SPATA31C2: variants seen among roughly 807,000 people sequenced by gnomAD.
The protein encoded by SPATA31C2 is SPATA31 subfamily C member 2, also known as spermatogenesis-associated protein 31C2.
In SPATA31C2, 5 loss-of-function variants were observed where a neutral mutation model predicts 11.4. That is an observed-to-expected ratio of 0.44 (90% CI 0.23 to 0.92). SPATA31C2 has a LOEUF of 0.92. Ranked by LOEUF, SPATA31C2 falls within the 40% of genes least tolerant of loss-of-function variation. SPATA31C2 has a pLI of 0.24. For missense variants in SPATA31C2, 1,353 were observed against 1,368.6 expected, an observed-to-expected ratio of 0.99 and a Z score of 0.18; for synonymous variants, 515 against 538.7, an observed-to-expected ratio of 0.96 and a Z score of 0.61.
chr9:88,137,334 A>T (rs552987343), intron 1 of SPATA31C2, among the ~76,000 whole-genome samples: 3 of 148,020 alleles, frequency 2.0e-5, no homozygotes, highest in African/African-American at 7.4e-5. Flanking sequence ...ATTAAAAAAA[A>T]AAAGGATCAG....
At chr9:88,135,735 C>T (rs1230742684) in intron 1 of SPATA31C2, among the ~76,000 whole-genome samples, 314 of 129,116 alleles carry the variant, frequency 2.4e-3, no homozygotes, top group Non-Finnish European at 3.0e-3. Context: ...GCCAGGATGG[C>T]CTCGATCTCC....
chr9:88,131,654 T>G lies in SPATA31C2; in HGVS notation c.1383A>C (p.Gly461=). The G allele has an allele frequency of 6.2e-7, 1 of 1,612,028 alleles. No individual in the cohort carries two copies. The highest frequency in any genetic ancestry group is 8.5e-7 in the Non-Finnish European group (1 of 1,179,852). Residue 461 remains glycine, a synonymous_variant, in exon 4 of 4, where the codon GGA becomes GGC. Transcript: ENST00000324915. ...RQLEQHMGQR[G]RIQESLDLMQ... is the part of the protein sequence containing the mutation. ...TCAGATCCAGAGACTCTTGGATCCTTCCACGTTGCCCCATGTGTTGCTCCA... is the reference window on the plus strand; with the variant it reads ...TCAGATCCAGAGACTCTTGGATCCTGCCACGTTGCCCCATGTGTTGCTCCA...
rs1206295556 is a variant in SPATA31C2, at chr9:88,129,960, C to T, written c.3077G>A (p.Arg1026Lys). Residue 1026 changes from arginine (R) to lysine (K), a missense_variant, in exon 4 of 4, where the codon AGG (arginine) becomes AAG (lysine). Physicochemically the swap from Arg to Lys is conservative, Grantham distance 26 (BLOSUM62 2). This residue lies in a region of SPATA31C2 where 187 missense variants were observed against 205.8 expected (regional missense o/e 0.91). Coordinates refer to ENST00000324915, the MANE Select transcript of SPATA31C2 (RefSeq NM_001350978.3). Reference sequence around the variant, plus strand: ...CTCAGCAGTGACTGGTGCTGGCTTCCTTTCTTTCTTTGAAAAAATCGTCTG... The same window carrying T: ...CTCAGCAGTGACTGGTGCTGGCTTCTTTTCTTTCTTTGAAAAAATCGTCTG... ...FFQTIFSKKE[R>K]KPAPVTAESQ... 2 of 1,607,884 alleles carry T rather than the reference C, an allele frequency of 1.2e-6. No homozygotes were observed. The highest frequency in any genetic ancestry group is 1.7e-6 in the Non-Finnish European group (2 of 1,176,016).
In SPATA31C2 at chr9:88,132,207, C is replaced by T; in HGVS notation, c.830G>A (p.Gly277Asp). 6.2e-7 allele frequency: 1 copy of T among 1,610,646 alleles called. No individual in the cohort carries two copies. Among genetic ancestry groups the T allele is most frequent in the Non-Finnish European group, 8.5e-7 (1 of 1,177,632 alleles). ...AASVPGISGL[G>D]GSNSQVSALS... ...GGCAGAAACTTGACTGTTTGAGCCG[C>T]CAAGGCCTGAGATGCCTGGGACAGA... The change falls in exon 4 of 4, where the codon GGC becomes GAC. Residue 277 changes from glycine to aspartate, a missense_variant. Physicochemically the swap from Gly to Asp is moderately conservative, Grantham distance 94. Transcript: ENST00000324915.
chr9:88,129,885 T>A lies in SPATA31C2; in HGVS notation c.3152A>T (p.Glu1051Val), dbSNP rs753128722. 2 of 1,605,698 alleles carry A rather than the reference T, an allele frequency of 1.2e-6. No homozygotes were observed. Among genetic ancestry groups the A allele is most frequent in the South Asian group, 2.2e-5 (2 of 90,986 alleles). Residue 1051 changes from glutamate (E) to valine (V), a missense_variant, in exon 4 of 4, where the codon GAA becomes GTA. Glu to Val is a moderately radical substitution (Grantham distance 121). Coordinates refer to ENST00000324915, the MANE Select transcript of SPATA31C2 (RefSeq NM_001350978.3). ...NRSCVYGSSAEAERLMTAVGQ... is the reference protein window; with the variant it reads ...NRSCVYGSSAVAERLMTAVGQ... ...AACTGCTGTCATGAGCCTCTCAGCT[T>A]CAGCACTGCTGCCGTACACGCATGA...
In SPATA31C2 at chr9:88,129,862, C is replaced by G; in HGVS notation, c.3175G>C (p.Val1059Leu). ...SAEAERLMTA[V>L]GQILEENMSL... ...ATGTTCTCCTCCAGTATCTGTCCAA[C>G]TGCTGTCATGAGCCTCTCAGCTTCA... Residue 1059 changes from valine to leucine, a missense_variant, in exon 4 of 4, where the codon GTT (valine) becomes CTT (leucine). Around this residue, in one of 6 missense-constraint regions of SPATA31C2, gnomAD observed 187 missense variants for 205.8 expected, o/e 0.91. Coordinates refer to ENST00000324915, the MANE Select transcript of SPATA31C2 (RefSeq NM_001350978.3). 6.2e-7 allele frequency: 1 copy of G among 1,605,248 alleles called. No homozygotes were observed. Among genetic ancestry groups the G allele is most frequent in the Non-Finnish European group, 8.5e-7 (1 of 1,174,270 alleles).
Position 88,132,414 on chromosome 9 carries a change from G to A in SPATA31C2, c.623C>T (p.Ala208Val), listed in dbSNP as rs1159815981. 1.2e-6 allele frequency: 2 copies of A among 1,611,136 alleles called. No individual in the cohort carries two copies. Among genetic ancestry groups the A allele is most frequent in the African/African-American group, 1.3e-5 (1 of 74,832 alleles). Reference sequence around the variant, plus strand: ...AGTGCGTGGTGGGTGAGGGAAAAGTGCAGGTGGCTCGGGTGAGGGATGTTC... The same window carrying A: ...AGTGCGTGGTGGGTGAGGGAAAAGTACAGGTGGCTCGGGTGAGGGATGTTC... ...LLEHPSPEPP[A>V]LFPHPPRTPD... Residue 208 changes from alanine (A) to valine (V), a missense_variant, in exon 4 of 4, where the codon GCA becomes GTA. Coordinates refer to ENST00000324915, the MANE Select transcript of SPATA31C2 (RefSeq NM_001350978.3).
At position 88,130,840 on chromosome 9, in the gene SPATA31C2, C is replaced by A. The variant is rs932768291; in HGVS notation, c.2197G>T (p.Ala733Ser). 7 of 1,613,244 alleles carry A rather than the reference C, an allele frequency of 4.3e-6. No individual in the cohort carries two copies. In the African/African-American group the frequency reaches 9.3e-5, roughly 22 times the overall value. Residue 733 changes from alanine (A) to serine (S), a missense_variant, in exon 4 of 4, where the codon GCC becomes TCC. By Grantham distance (99) the Ala-to-Ser change is moderately conservative (BLOSUM62 1). Around this residue, in one of 6 missense-constraint regions of SPATA31C2, gnomAD observed 1,075 missense variants for 992.8 expected, o/e 1.08. Transcript: ENST00000324915. ...AACTGCTTACATGCAGGTGAGGAGGCCTGAAGCCTCTCTGGCATGTGAACA... is the reference window on the plus strand; with the variant it reads ...AACTGCTTACATGCAGGTGAGGAGGACTGAAGCCTCTCTGGCATGTGAACA... Reference protein sequence around the residue: ...PSVHMPERLQASSPACKQFQR... With the variant: ...PSVHMPERLQSSSPACKQFQR...
Position 88,132,764 on chromosome 9 carries a change from C to G in SPATA31C2, c.327-54G>C. The stretch of plus-strand genomic sequence containing the variant: ...GCCAGGAGCAGATGGGTTCGGAGGG[C>G]AGAGTGGGCGCTTGGGCCACAGCCC... On this transcript the variant is annotated intron_variant, in intron 3 of 3. Transcript: ENST00000324915. 4 of 1,557,410 alleles carry G rather than the reference C, an allele frequency of 2.6e-6. No individual in the cohort carries two copies. The South Asian group carries it at 4.7e-5, about 18-fold the overall frequency.
At position 88,129,681 on chromosome 9, in the gene SPATA31C2, A is replaced by G; in HGVS notation, c.3356T>C (p.Leu1119Pro). 1.9e-6 allele frequency: 3 copies of G among 1,603,620 alleles called. No individual in the cohort carries two copies. The highest frequency in any genetic ancestry group is 2.6e-6 in the Non-Finnish European group (3 of 1,173,328). Residue 1119 changes from leucine (L) to proline (P), a missense_variant, in exon 4 of 4, where the codon CTC (leucine) becomes CCC (proline). Transcript: ENST00000324915. ...SYAASSQQAT[L>P]KNQSRPNRDR... ...TCTGTTGGGACGACTCTGGTTCTTG[A>G]GAGTGGCTTGTTGACTGCTGGCTGC...
In SPATA31C2 at chr9:88,130,958, G is replaced by C. The variant is rs774423230; in HGVS notation, c.2079C>G (p.Cys693Trp). ...CAACTTTTGAGCCAGCCCCAGATTC[G>C]CAGGTGTCTGAGGAGGGACCAGCAA... ...IQLAGPSSDT[C>W]ESGAGSKVEV... Residue 693 changes from cysteine to tryptophan, a missense_variant, in exon 4 of 4, where the codon TGC (cysteine) becomes TGG (tryptophan). Physicochemically the swap from Cys to Trp is radical, Grantham distance 215. Around this residue, in one of 6 missense-constraint regions of SPATA31C2, gnomAD observed 1,075 missense variants for 992.8 expected, o/e 1.08. Transcript: ENST00000324915. 6.2e-7 allele frequency: 1 copy of C among 1,613,046 alleles called. No individual in the cohort carries two copies.
intron 1 of SPATA31C2, among the ~76,000 whole-genome samples, chr9:88,134,060 C>G (rs527970983): frequency 0.011 from 1,589 of 150,882 alleles, 13 homozygotes; most frequent in African/African-American, 0.037. Context: ...GACGCTAAGA[C>G]AGGAGAATAG....
In SPATA31C2 at chr9:88,132,638, G is replaced by C. The variant is rs571286171; in HGVS notation, c.399C>G (p.Gly133=). Residue 133 remains glycine, a synonymous_variant, in exon 4 of 4, where the codon GGC becomes GGG. Coordinates refer to ENST00000324915, the MANE Select transcript of SPATA31C2 (RefSeq NM_001350978.3). Reference sequence around the variant, plus strand: ...GGGAGGCTCCATCAGGTGTTCTTTTGCCCACCTCACCTGGCGGGTCTGGAC... The same window carrying C: ...GGGAGGCTCCATCAGGTGTTCTTTTCCCCACCTCACCTGGCGGGTCTGGAC... ...LSGPDPPGEV[G]KRTPDGASRS... The C allele has an allele frequency of 1.5e-5, 24 of 1,609,380 alleles. No homozygotes were observed. The South Asian group carries it at 2.4e-4, about 16-fold the overall frequency.
In SPATA31C2 at chr9:88,131,731, T is replaced by G. The variant is rs1432473794; in HGVS notation, c.1306A>C (p.Thr436Pro). The change falls in exon 4 of 4, where the codon ACA becomes CCA. Residue 436 changes from threonine to proline, a missense_variant. Around this residue, in one of 6 missense-constraint regions of SPATA31C2, gnomAD observed 1,075 missense variants for 992.8 expected, o/e 1.08. Coordinates refer to ENST00000324915, the MANE Select transcript of SPATA31C2 (RefSeq NM_001350978.3). ...STPNLPQERL[T>P]SILPENFPVS... Reference sequence around the variant, plus strand: ...GGAAAGTTCTCAGGCAGAATGGATGTCAGTCTTTCCTGGGGAAGGTTAGGA... The same window carrying G: ...GGAAAGTTCTCAGGCAGAATGGATGGCAGTCTTTCCTGGGGAAGGTTAGGA... 6.2e-7 allele frequency: 1 copy of G among 1,611,850 alleles called. No individual in the cohort carries two copies. The highest frequency in any genetic ancestry group is 2.2e-5 in the East Asian group (1 of 44,878).
At position 88,129,615 on chromosome 9, in the gene SPATA31C2, C is replaced by T. The variant is rs762892309; in HGVS notation, c.*17G>A. ...CAGGCCCCATTGCTCATTGTTGCAC[C>T]GGACACTTTTCAAGGGCTACTGATC... On this transcript the variant is annotated 3_prime_UTR_variant, in exon 4 of 4. Coordinates refer to ENST00000324915, the MANE Select transcript of SPATA31C2 (RefSeq NM_001350978.3). 7.5e-6 allele frequency: 12 copies of T among 1,602,404 alleles called. No homozygotes were observed. Among genetic ancestry groups the T allele is most frequent in the Middle Eastern group, 1.7e-4 (1 of 5,984 alleles).
chr9:88,132,286 G>A lies in SPATA31C2; in HGVS notation c.751C>T (p.Leu251Phe). Reference sequence around the variant, plus strand: ...CTTTGAGGGACGGTGTCCAGTGGAAGTGCCACTGAGTCACAGTGAGATGGT... The same window carrying A: ...CTTTGAGGGACGGTGTCCAGTGGAAATGCCACTGAGTCACAGTGAGATGGT... Reference protein sequence around the residue: ...LTPSHCDSVALPLDTVPQSLS... With the variant: ...LTPSHCDSVAFPLDTVPQSLS... The change falls in exon 4 of 4, where the codon CTT (leucine) becomes TTT (phenylalanine). Residue 251 changes from leucine (L) to phenylalanine (F), a missense_variant. This residue lies in a region of SPATA31C2 where 1,075 missense variants were observed against 992.8 expected (regional missense o/e 1.08). Transcript: ENST00000324915. The A allele has an allele frequency of 6.2e-7, 1 of 1,610,888 alleles. No individual in the cohort carries two copies. The highest frequency in any genetic ancestry group is 8.5e-7 in the Non-Finnish European group (1 of 1,177,744).
chr9:88,133,707 C>T, intron 1 of SPATA31C2, 38 bp from the exon 2 acceptor site: 1 of 1,535,144 alleles, frequency 6.5e-7, no homozygotes, highest in African/African-American at 1.4e-5. Context: ...AGGACCGGCT[C>T]TCCCTCTCTG....
In SPATA31C2 at chr9:88,129,876, C is replaced by G. The variant is rs1402168115; in HGVS notation, c.3161G>C (p.Arg1054Thr). 6.2e-7 allele frequency: 1 copy of G among 1,605,482 alleles called. No homozygotes were observed. The highest frequency in any genetic ancestry group is 8.5e-7 in the Non-Finnish European group (1 of 1,174,444). The change falls in exon 4 of 4, where the codon AGG becomes ACG. Residue 1054 changes from arginine to threonine, a missense_variant. Around this residue, in one of 6 missense-constraint regions of SPATA31C2, gnomAD observed 187 missense variants for 205.8 expected, o/e 0.91. Transcript: ENST00000324915. ...CVYGSSAEAERLMTAVGQILE... is the reference protein window; with the variant it reads ...CVYGSSAEAETLMTAVGQILE... ...TATCTGTCCAACTGCTGTCATGAGC[C>G]TCTCAGCTTCAGCACTGCTGCCGTA...
At chr9:88,133,970 A>G (rs1587689645) in intron 1 of SPATA31C2, among the ~76,000 whole-genome samples, 1 of 152,090 alleles carries the variant, frequency 6.6e-6, no homozygotes, top group African/African-American at 2.4e-5. Context: ...CAGCCTAGCC[A>G]TGGTGAAACC....
Sources: gnomAD v4.1 joint callset for allele counts (sites outside exome capture counted in the v4.1 genomes callset) on GRCh38, gnomAD v4.1.1 for gene constraint, gnomAD v4.1.1 regional missense constraint, MANE v1.5 for transcripts, NCBI Gene and HGNC (gene_info 2026-07-23, HGNC 2026-07-21) for gene names.